Variants in SPAG6 observed in about 807,000 individuals in gnomAD.
The protein encoded by SPAG6 is sperm-associated antigen 6.
In SPAG6, 49 loss-of-function variants were observed where a neutral mutation model predicts 58.5. That is an observed-to-expected ratio of 0.84 (90% CI 0.67 to 1.06). The LOEUF is 1.06. Among genes scored for constraint, SPAG6 ranks in the 50% least tolerant of loss-of-function variants. The pLI is 0.00. For missense variants in SPAG6, 560 were observed against 611.3 expected (o/e 0.92, Z 0.89); for synonymous variants, 233 against 225.6 (o/e 1.03, Z -0.29).
chr10:22,350,242 G>T (rs1376048094), intron 2 of SPAG6, among the ~76,000 whole-genome samples: 1 of 151,964 alleles, frequency 6.6e-6, no homozygotes, highest in East Asian at 1.9e-4. Context: ...ATATGCCAAG[G>T]AGCTATACAC....
intron 2 of SPAG6, among the ~76,000 whole-genome samples, chr10:22,347,339 C>G (rs1836591906): frequency 6.6e-6 from 1 of 152,158 alleles, no homozygotes. Flanking sequence ...CAATACTGGG[C>G]ACACAGTATT....
At position 22,391,877 on chromosome 10, in the gene SPAG6, C is replaced by G. The variant is rs1350575580; in HGVS notation, c.1154C>G (p.Ser385Cys). 1 of 1,613,388 alleles carries G rather than the reference C, an allele frequency of 6.2e-7. No individual in the cohort carries two copies. Among genetic ancestry groups the G allele is most frequent in the East Asian group, 2.2e-5 (1 of 44,878 alleles). ...ACAAATACTTTGCCAGTTCTGCTTT[C>G]TTTGTACATGTCAACAGAAAGTTCT... ...AVTNTLPVLLSLYMSTESSED... is the reference protein window; with the variant it reads ...AVTNTLPVLLCLYMSTESSED... The change falls in exon 8 of 11, where the codon TCT (serine) becomes TGT (cysteine). Residue 385 changes from serine to cysteine, a missense_variant. Coordinates refer to ENST00000376624, the MANE Select transcript of SPAG6 (RefSeq NM_012443.4).
At chr10:22,364,606 AG>A (rs1219073048) in intron 2 of SPAG6, among the ~76,000 whole-genome samples, 2 of 152,182 alleles carry the variant, frequency 1.3e-5, no homozygotes, top group African/African-American at 2.4e-5. Flanking sequence ...TTGCTGAATC[AG>A]GGATTCTTAC....
At chr10:22,357,949 G>A (rs1197762746) in intron 2 of SPAG6, among the ~76,000 whole-genome samples, 1 of 152,076 alleles carries the variant, frequency 6.6e-6, no homozygotes, top group East Asian at 1.9e-4. Flanking sequence ...ATTCCATGGT[G>A]TATATGTGCC....
Position 22,388,173 on chromosome 10 carries a change from G to A in SPAG6, c.852+177G>A, listed in dbSNP as rs372996096. On this transcript the variant is annotated intron_variant, in intron 6 of 10. Transcript: ENST00000376624. ...TTCTTTGTTGTGGGGAGCTGGTCCT[G>A]CACATTGTAGGACGGATGTTTAGCA... Among the ~76,000 whole-genome samples, 33 of 151,944 alleles carry A rather than the reference G, an allele frequency of 2.2e-4. 2 individuals are homozygous for A. Among genetic ancestry groups the A allele is most frequent in the African/African-American group, 6.3e-4 (26 of 41,404 alleles).
intron 8 of SPAG6, among the ~76,000 whole-genome samples, chr10:22,392,484 A>G (rs1463317058): frequency 6.6e-6 from 1 of 152,086 alleles, no homozygotes; most frequent in Non-Finnish European, 1.5e-5. Context: ...ATTACTAGCT[A>G]CTAAAATGCT....
chr10:22,413,912 A>T (rs186074407), intron 10 of SPAG6, among the ~76,000 whole-genome samples: 1 of 152,312 alleles, frequency 6.6e-6, no homozygotes, highest in Admixed American at 6.5e-5. Context: ...TATCCTTTGT[A>T]AGACAGTTTA....
intron 4 of SPAG6, among the ~76,000 whole-genome samples, chr10:22,371,649 CTGTT>C (rs1409523795): frequency 1.3e-5 from 2 of 151,964 alleles, no homozygotes; most frequent in Admixed American, 6.6e-5. Flanking sequence ...TAGTGAAAAA[CTGTT>C]TGGTTAGACA....
intron 8 of SPAG6, among the ~76,000 whole-genome samples, chr10:22,393,914 T>C (rs1328528909): frequency 2.6e-5 from 4 of 152,194 alleles, no homozygotes; most frequent in Non-Finnish European, 5.9e-5. Flanking sequence ...ATGGCAGGTT[T>C]CAAATTATAA....
At chr10:22,372,607 T>G (rs372353250) in intron 4 of SPAG6, among the ~76,000 whole-genome samples, 1 of 152,292 alleles carries the variant, frequency 6.6e-6, no homozygotes, top group African/African-American at 2.4e-5. Context: ...TTCCAATGAA[T>G]GGCCGTCTGT....
chr10:22,413,247 G>A (rs1834786990), intron 10 of SPAG6, among the ~76,000 whole-genome samples: 1 of 150,722 alleles, frequency 6.6e-6, no homozygotes, highest in Non-Finnish European at 1.5e-5. Flanking sequence ...AATTAATCTA[G>A]TGCTGGCCAG....
chr10:22,409,943 T>C (rs924600851), intron 9 of SPAG6, among the ~76,000 whole-genome samples: 1 of 152,218 alleles, frequency 6.6e-6, no homozygotes, highest in Non-Finnish European at 1.5e-5. Context: ...CTGTTTTCTC[T>C]TTCTGAAACT....
chr10:22,414,865 C>T (rs1217609950), intron 10 of SPAG6, among the ~76,000 whole-genome samples: 1 of 152,194 alleles, frequency 6.6e-6, no homozygotes, highest in Non-Finnish European at 1.5e-5. Context: ...CTCTGGGGTT[C>T]AAGCAATTCT....
chr10:22,346,439 CTTCT>C (rs1836536583), intron 2 of SPAG6, among the ~76,000 whole-genome samples: 9 of 126,094 alleles, frequency 7.1e-5, no homozygotes, highest in Non-Finnish European at 1.4e-4. Flanking sequence ...GGTTCTTCTT[CTTCT>C]TCTTCTTCTT....
chr10:22,410,832 T>C (rs1442762089), intron 9 of SPAG6, among the ~76,000 whole-genome samples, 199 bp from the exon 10 acceptor site: 1 of 152,210 alleles, frequency 6.6e-6, no homozygotes, highest in African/African-American at 2.4e-5. Flanking sequence ...TGCCTTTATT[T>C]CATTTCTTCA....
intron 4 of SPAG6, among the ~76,000 whole-genome samples, chr10:22,370,389 A>G (rs759352763): frequency 2.6e-5 from 4 of 152,180 alleles, no homozygotes; most frequent in Non-Finnish European, 5.9e-5. Flanking sequence ...TCTCCCTGTT[A>G]AATGGAGAAA....
chr10:22,373,579 G>C (rs1396269768), intron 4 of SPAG6, among the ~76,000 whole-genome samples: 2 of 152,140 alleles, frequency 1.3e-5, no homozygotes, highest in Non-Finnish European at 2.9e-5. Context: ...ACTTTGAATG[G>C]TTTTTCTTAG....
At chr10:22,382,893 C>T (rs1016476165) in intron 4 of SPAG6, among the ~76,000 whole-genome samples, 2 of 152,110 alleles carry the variant, frequency 1.3e-5, no homozygotes, top group African/African-American at 4.8e-5. Context: ...AAAAAAGATA[C>T]CACCCATAGT....
At chr10:22,393,113 A>C (rs1040057678) in intron 8 of SPAG6, among the ~76,000 whole-genome samples, 1 of 152,144 alleles carries the variant, frequency 6.6e-6, no homozygotes, top group African/African-American at 2.4e-5. Flanking sequence ...CCAAAACTCT[A>C]TTCCTAGCTT....
Sources: allele counts gnomAD v4.1 joint callset (sites outside exome capture counted in the v4.1 genomes callset), GRCh38; gene constraint gnomAD v4.1.1; transcripts MANE v1.5; gene names NCBI Gene and HGNC (gene_info 2026-07-23, HGNC 2026-07-21).